The following RIT2 variants were observed in gnomAD, a reference collection of about 807,000 sequenced individuals.
RIT2 encodes Ras like without CAAX 2, also known as GTP-binding protein Rit2.
RIT2 carries 24 observed loss-of-function variants against 23.7 expected under a neutral mutation model. The ratio of observed to expected loss-of-function variants is 1.01; its 90% CI spans 0.73 to 1.43. The LOEUF is 1.43. RIT2 is among the 40% of genes most tolerant of loss of function. The pLI is 0.00. For missense variants in RIT2, 236 were observed against 266.9 expected (o/e 0.88, Z 0.81); for synonymous variants, 107 against 91.1 (o/e 1.17, Z -0.99).
chr18:42,900,018 A>G (rs1456311506), intron 4 of RIT2, among the ~76,000 whole-genome samples: 1 of 152,086 alleles, frequency 6.6e-6, no homozygotes, highest in East Asian at 1.9e-4. Flanking sequence ...ATAAAATTTA[A>G]TTAATTAATG....
At chr18:42,751,488 G>A (rs1464845360) in intron 4 of RIT2, among the ~76,000 whole-genome samples, 1 of 151,872 alleles carries the variant, frequency 6.6e-6, no homozygotes, top group Non-Finnish European at 1.5e-5. Flanking sequence ...TGATAATCAA[G>A]CTCGACCAGA....
chr18:42,851,632 C>T (rs954951366), intron 4 of RIT2, among the ~76,000 whole-genome samples: 6 of 151,966 alleles, frequency 3.9e-5, no homozygotes, highest in Non-Finnish European at 2.9e-5. Flanking sequence ...CAGGTGGATC[C>T]CGAGGTCAGG....
intron 4 of RIT2, among the ~76,000 whole-genome samples, chr18:42,852,837 C>A (rs933770931): frequency 9.3e-6 from 1 of 108,022 alleles, no homozygotes; most frequent in Non-Finnish European, 1.7e-5. Flanking sequence ...TCCTTTCTTT[C>A]TTTTCTTTCT....
intron 1 of RIT2, among the ~76,000 whole-genome samples, chr18:43,043,757 C>G (rs1196373472): frequency 6.6e-6 from 1 of 151,942 alleles, no homozygotes; most frequent in East Asian, 1.9e-4. Context: ...TGAGATAGTG[C>G]CATTGCACTC....
chr18:42,862,761 G>A (rs748839711), intron 4 of RIT2, among the ~76,000 whole-genome samples: 2 of 152,090 alleles, frequency 1.3e-5, no homozygotes, highest in South Asian at 2.1e-4. Flanking sequence ...ACTGAAATAC[G>A]TGTTGGTTAA....
At chr18:42,825,685 CTGTTTTATG>C (rs145530645) in intron 4 of RIT2, among the ~76,000 whole-genome samples, 3,613 of 151,674 alleles carry the variant, frequency 0.024, 158 homozygotes, top group African/African-American at 0.083. Flanking sequence ...ATGCCTGGTA[CTGTTTTATG>C]TGTTTTATGT....
intron 3 of RIT2, among the ~76,000 whole-genome samples, chr18:42,964,053 C>T (rs540510034): frequency 1.8e-4 from 27 of 151,596 alleles, no homozygotes; most frequent in African/African-American, 3.4e-4. Context: ...TAGCTGGGCG[C>T]GGTGATGTGC....
intron 3 of RIT2, among the ~76,000 whole-genome samples, chr18:42,965,967 A>G (rs942664440): frequency 3.9e-5 from 6 of 152,042 alleles, no homozygotes; most frequent in African/African-American, 7.2e-5. Context: ...ATTCATGAGC[A>G]TAATGCTAGG....
intron 4 of RIT2, among the ~76,000 whole-genome samples, chr18:42,836,576 G>A (rs182505171): frequency 1.3e-5 from 2 of 152,214 alleles, no homozygotes; most frequent in East Asian, 3.9e-4. Flanking sequence ...TTCGTTTGGG[G>A]ATACTAACAA....
At chr18:43,031,987 C>T (rs1054295170) in intron 2 of RIT2, among the ~76,000 whole-genome samples, 2 of 152,000 alleles carry the variant, frequency 1.3e-5, no homozygotes, top group Non-Finnish European at 2.9e-5. Flanking sequence ...CAGACTTTTA[C>T]CTTCTGCAAG....
intron 4 of RIT2, among the ~76,000 whole-genome samples, chr18:42,808,142 C>A (rs1905736886): frequency 6.6e-6 from 1 of 152,140 alleles, no homozygotes; most frequent in Admixed American, 6.6e-5. Context: ...CTCAATGGAG[C>A]AAAAGCAAAA....
chr18:42,795,156 G>A (rs1000412256), intron 4 of RIT2, among the ~76,000 whole-genome samples: 2 of 152,208 alleles, frequency 1.3e-5, no homozygotes, highest in African/African-American at 4.8e-5. Context: ...GGCACTTGAG[G>A]AGCCCTTCAG....
chr18:42,817,955 TTAA>T (rs1258972267), intron 4 of RIT2, among the ~76,000 whole-genome samples: 22 of 151,974 alleles, frequency 1.4e-4, no homozygotes, highest in African/African-American at 5.1e-4. Context: ...ATATTTTCTG[TTAA>T]TAATAATATA....
At chr18:42,873,857 G>T (rs140630657) in intron 4 of RIT2, among the ~76,000 whole-genome samples, 97 of 152,260 alleles carry the variant, frequency 6.4e-4, no homozygotes, top group African/African-American at 2.3e-3. Context: ...TAGTTTTGAA[G>T]CAGAGAGAGG....
At chr18:43,072,890 G>A (rs933210408) in intron 1 of RIT2, among the ~76,000 whole-genome samples, 1 of 152,090 alleles carries the variant, frequency 6.6e-6, no homozygotes, top group Non-Finnish European at 1.5e-5. Flanking sequence ...CTAGGTGTGG[G>A]ATGCTGTGGG....
chr18:42,881,611 C>T (rs894293564), intron 4 of RIT2, among the ~76,000 whole-genome samples: 6 of 152,168 alleles, frequency 3.9e-5, no homozygotes, highest in Non-Finnish European at 5.9e-5. Flanking sequence ...ATTGTTCATG[C>T]TTTTTCCCTC....
intron 1 of RIT2, among the ~76,000 whole-genome samples, chr18:43,111,844 C>G (rs1169089545): frequency 1.3e-5 from 2 of 152,102 alleles, no homozygotes; most frequent in Non-Finnish European, 2.9e-5. Context: ...CTGACTCTGC[C>G]ACTGCTGTAT....
intron 2 of RIT2, among the ~76,000 whole-genome samples, chr18:42,977,419 G>A (rs929403277): frequency 5.9e-5 from 9 of 151,920 alleles, no homozygotes; most frequent in African/African-American, 1.7e-4. Flanking sequence ...AAACATCATC[G>A]GATTTTGGCA....
At chr18:42,955,372 G>A (rs1015882338) in intron 3 of RIT2, among the ~76,000 whole-genome samples, 19 of 152,162 alleles carry the variant, frequency 1.2e-4, no homozygotes, top group African/African-American at 4.6e-4. Context: ...TATGAAGGCA[G>A]AAGCCAGCTG....
Sources: allele counts gnomAD v4.1 joint callset (sites outside exome capture counted in the v4.1 genomes callset), GRCh38; gene constraint gnomAD v4.1.1; transcripts MANE v1.5; gene names NCBI Gene and HGNC (gene_info 2026-07-23, HGNC 2026-07-21).